Variants in GPSM1 observed in about 807,000 individuals in gnomAD.
GPSM1 encodes the protein G protein signaling modulator 1, also known as G protein-signaling modulator 1.
In GPSM1, 48 loss-of-function variants were observed where a neutral mutation model predicts 70.5. The observed-to-expected ratio is 0.68, with a 90% CI of 0.54 to 0.87. The LOEUF is 0.87. Ranked by LOEUF, GPSM1 falls within the 40% of genes least tolerant of loss-of-function variation. The probability of loss-of-function intolerance (pLI) is 0.00; values close to 1 mark genes in which losing one functional copy is unlikely to be tolerated. For synonymous variants in GPSM1, 416 were observed against 430.1 expected (o/e 0.97, Z 0.41); for missense variants, 981 against 972.6 (o/e 1.01, Z -0.11).
chr9:136,342,952 T>G lies in GPSM1; in HGVS notation c.1207+1959T>G, dbSNP rs1358098753. ...TTGTGGGCGTGGTCCATGGGGGCGG[T>G]GGGCGTGGCAGAGGCTGGTGGGTTT... On this transcript the variant is annotated intron_variant, in intron 9 of 13. Coordinates refer to ENST00000440944, the MANE Select transcript of GPSM1 (RefSeq NM_001145638.3). The surrounding 1 kb of genome is among the most constrained non-coding windows in gnomAD (Gnocchi z 5.5). Among the ~76,000 whole-genome samples, 2 of 151,490 alleles carry G rather than the reference T, an allele frequency of 1.3e-5. No individual in the cohort carries two copies. Among genetic ancestry groups the G allele is most frequent in the African/African-American group, 4.9e-5 (2 of 41,148 alleles).
Position 136,358,473 on chromosome 9 carries a change from C to A in GPSM1, c.*253C>A. 1 of 553,634 alleles carries A rather than the reference C, an allele frequency of 1.8e-6. No homozygotes were observed. Among genetic ancestry groups the A allele is most frequent in the Non-Finnish European group, 3.1e-6 (1 of 317,674 alleles). The allele number at this position is 553,634 out of a possible 1,614,324, so 34.3% of individuals were successfully genotyped here. A position where few individuals can be genotyped will look rare whatever the true frequency, so the allele number is the denominator to read the frequency against. ...GCCGCAGGCCGGACGGGGCCTTCGG[C>A]ATGTCGGCCCCGACCTGGTGCTGTC... On this transcript the variant is annotated 3_prime_UTR_variant, in exon 14 of 14. Coordinates refer to ENST00000440944, the MANE Select transcript of GPSM1 (RefSeq NM_001145638.3).
chr9:136,356,648 C>T, intron 13 of GPSM1, 98 bp downstream of exon 13: 1 of 840,870 alleles, frequency 1.2e-6, no homozygotes, highest in South Asian at 1.7e-5. Flanking sequence ...GGCGCTGGTT[C>T]TGCCATCTCC....
Position 136,340,136 on chromosome 9 carries a change from C to T in GPSM1, c.1083+321C>T, listed in dbSNP as rs1403527515. ...CGGAACATCACAGATGAACTGTGGG[C>T]CTCCCGGCTCCCGGCCTGTCCTTAC... On this transcript the variant is annotated intron_variant, in intron 8 of 13. Coordinates refer to ENST00000440944, the MANE Select transcript of GPSM1 (RefSeq NM_001145638.3). This position sits in a 1 kb window ranked among gnomAD's most constrained non-coding sequence, Gnocchi z 7.3. 3.9e-5 allele frequency among the ~76,000 whole-genome samples: 6 copies of T among 152,206 alleles called. No individual in the cohort carries two copies. The highest frequency in any genetic ancestry group is 8.8e-5 in the Non-Finnish European group (6 of 68,026).
In GPSM1 at chr9:136,337,016, C is replaced by T. The variant is rs550322199; in HGVS notation, c.522C>T (p.Pro174=). ...SWNAANATQD[P]GHLPPDVRET... Reference sequence around the variant, plus strand: ...ACGCCGCAAACGCCACGCAGGACCCCGGGCACCTGCCGCCCGATGTCCGAG... The same window carrying T: ...ACGCCGCAAACGCCACGCAGGACCCTGGGCACCTGCCGCCCGATGTCCGAG... The change falls in exon 4 of 14, where the codon CCC becomes CCT. Residue 174 remains proline, a synonymous_variant. Coordinates refer to ENST00000440944, the MANE Select transcript of GPSM1 (RefSeq NM_001145638.3). 5.0e-5 allele frequency: 77 copies of T among 1,552,228 alleles called. No homozygotes were observed. The highest frequency in any genetic ancestry group is 3.5e-4 in the Admixed American group (18 of 51,198).
At chr9:136,352,076 A>G in intron 11 of GPSM1, among the ~76,000 whole-genome samples, 1 of 147,568 alleles carries the variant, frequency 6.8e-6, no homozygotes, top group Non-Finnish European at 1.5e-5. Context: ...GCTGTTGGTG[A>G]CACCAATACT....
At chr9:136,353,678 C>T (rs550057727) in intron 11 of GPSM1, among the ~76,000 whole-genome samples, 40 of 152,288 alleles carry the variant, frequency 2.6e-4, no homozygotes, top group African/African-American at 2.4e-4. Context: ...TGGCCCCTGA[C>T]GGGTCCTGCC....
At position 136,356,454 on chromosome 9, in the gene GPSM1, G is replaced by A. The variant is rs375608510; in HGVS notation, c.1725G>A (p.Gly575=). ...GGGCCAGCGTGGGCAGCCTGCCGGG[G>A]CTGCGAATCACCCACAGCAATGCAG... ...DQRASVGSLP[G]LRITHSNAGH... The change falls in exon 13 of 14, where the codon GGG becomes GGA. Residue 575 remains glycine, a synonymous_variant. Transcript: ENST00000440944. The A allele has an allele frequency of 6.3e-5, 101 of 1,611,606 alleles. 1 individual carries two copies. Among genetic ancestry groups the A allele is most frequent in the Non-Finnish European group, 8.3e-5 (98 of 1,179,274 alleles).
intron 11 of GPSM1, among the ~76,000 whole-genome samples, chr9:136,352,250 A>AC (rs1832690080): frequency 2.4e-5 from 2 of 83,178 alleles, no homozygotes; most frequent in Admixed American, 1.2e-4. Flanking sequence ...GCTGTTGGTG[A>AC]CACCGATGCT....
chr9:136,331,337 G>A (rs553019941), intron 1 of GPSM1, among the ~76,000 whole-genome samples: 31 of 151,718 alleles, frequency 2.0e-4, no homozygotes, highest in Admixed American at 3.3e-4. Context: ...CCCGGCAGAC[G>A]TGGGGCTGGC....
rs546379300 is a variant in GPSM1, at chr9:136,335,504, G to A, written c.291-462G>A. On this transcript the variant is annotated intron_variant, in intron 2 of 13. Transcript: ENST00000440944. ...CAGAGCTTCTTGGAGCAACCCTCCC[G>A]CACTGGCCAGTGAGCTCACACCTGC... Among the ~76,000 whole-genome samples the A allele has an allele frequency of 2.0e-5, 3 of 152,222 alleles. No homozygotes were observed. The East Asian group carries it at 5.8e-4, about 29-fold the overall frequency.
At position 136,341,044 on chromosome 9, in the gene GPSM1, A is replaced by G. The variant is rs1554770189; in HGVS notation, c.1207+51A>G. The G allele has an allele frequency of 1.3e-6, 2 of 1,558,262 alleles. No homozygotes were observed. The highest frequency in any genetic ancestry group is 3.8e-5 in the Admixed American group (2 of 52,190). ...CTTGCTCCCCACAGGCACGGACCGC[A>G]TCAGGAGCTGCGGAGGGGTGGGATC... is the stretch of plus-strand genomic sequence containing the variant. On this transcript the variant is annotated intron_variant, in intron 9 of 13. Transcript: ENST00000440944. The surrounding 1 kb of genome is among the most constrained non-coding windows in gnomAD (Gnocchi z 6.7).
At chr9:136,352,800 C>G (rs1832707190) in intron 11 of GPSM1, among the ~76,000 whole-genome samples, 1 of 152,256 alleles carries the variant, frequency 6.6e-6, no homozygotes, top group South Asian at 2.1e-4. Context: ...CTTCGGCAGG[C>G]TGTCTGCCCA....
chr9:136,349,865 C>T, intron 11 of GPSM1, 102 bp downstream of exon 11: 2 of 1,158,770 alleles, frequency 1.7e-6, no homozygotes, highest in Non-Finnish European at 2.4e-6. Flanking sequence ...GGCCCGGGCA[C>T]TCCGGGGAGG....
intron 10 of GPSM1, 57 bp from the exon 11 acceptor site, chr9:136,349,530 G>A: frequency 2.0e-6 from 3 of 1,471,478 alleles, no homozygotes; most frequent in Non-Finnish European, 2.8e-6. Context: ...CAGGGTCCTG[G>A]GATGGGGACA....
At chr9:136,356,826 G>A (rs553736220) in intron 13 of GPSM1, among the ~76,000 whole-genome samples, 2 of 152,290 alleles carry the variant, frequency 1.3e-5, no homozygotes, top group Admixed American at 6.5e-5. Context: ...TGCCATGCAG[G>A]AACTCGGGGT....
Position 136,340,943 on chromosome 9 carries a change from C to T in GPSM1, c.1157C>T (p.Thr386Ile), listed in dbSNP as rs781972562. 1.9e-5 allele frequency: 30 copies of T among 1,564,998 alleles called. No individual in the cohort carries two copies. The highest frequency in any genetic ancestry group is 2.4e-5 in the Non-Finnish European group (28 of 1,155,850). Residue 386 changes from threonine (T) to isoleucine (I), a missense_variant, in exon 9 of 14, where the codon ACC becomes ATC. By Grantham distance (89) the Thr-to-Ile change is moderately conservative. Coordinates refer to ENST00000440944, the MANE Select transcript of GPSM1 (RefSeq NM_001145638.3). This position sits in a 1 kb window ranked among gnomAD's most constrained non-coding sequence, Gnocchi z 7.3. ...AQLQLVLGRLTSPAASEKPDL... is the reference protein window; with the variant it reads ...AQLQLVLGRLISPAASEKPDL... Reference sequence around the variant, plus strand: ...CTGCAGCTGGTGCTCGGCCGCCTGACCAGCCCGGCAGCCTCAGAGAAGCCT... The same window carrying T: ...CTGCAGCTGGTGCTCGGCCGCCTGATCAGCCCGGCAGCCTCAGAGAAGCCT...
chr9:136,348,495 C>T (rs1554771596), intron 9 of GPSM1, among the ~76,000 whole-genome samples: 2 of 152,208 alleles, frequency 1.3e-5, no homozygotes, highest in East Asian at 1.9e-4. Context: ...CGCTCTGTCT[C>T]GACACCTGTC....
rs368727200 is a variant in GPSM1 at position 136,351,960 on chromosome 9, C to T, written c.1455+2197C>T. 3.9e-5 allele frequency among the ~76,000 whole-genome samples: 6 copies of T among 152,308 alleles called. No homozygotes were observed. In the South Asian group the frequency reaches 6.2e-4, roughly 16 times the overall value. On this transcript the variant is annotated intron_variant, in intron 11 of 13. Coordinates refer to ENST00000440944, the MANE Select transcript of GPSM1 (RefSeq NM_001145638.3). The stretch of plus-strand genomic sequence containing the variant: ...GATACATCCCTGGGGCGTCAGTGGC[C>T]GGGTGGGCCCCCTTCCCCCTCTGCT...
chr9:136,335,696 G>A (rs28488915), intron 2 of GPSM1, among the ~76,000 whole-genome samples: 16,051 of 152,212 alleles, frequency 0.11, 1,300 homozygotes, highest in Admixed American at 0.22. Context: ...CCTGTGTGTA[G>A]CTCCTGGCAC....
Sources: allele counts gnomAD v4.1 joint callset (sites outside exome capture counted in the v4.1 genomes callset), GRCh38; gene constraint gnomAD v4.1.1; non-coding constraint Gnocchi (gnomAD v3.1); transcripts MANE v1.5; gene names NCBI Gene and HGNC (gene_info 2026-07-23, HGNC 2026-07-21).